CDH4: variants seen among roughly 807,000 people sequenced by gnomAD.
CDH4 encodes the protein cadherin 4, also known as cadherin-4.
In CDH4, 33 loss-of-function variants were observed where a neutral mutation model predicts 86.0. That is an observed-to-expected ratio of 0.38 (90% CI 0.29 to 0.51). CDH4 has a LOEUF of 0.51. CDH4 is among the 20% of genes least tolerant of loss of function. CDH4 has a pLI of 0.86. For missense variants in CDH4, 1,114 were observed against 1,307.4 expected, an observed-to-expected ratio of 0.85 and a Z score of 2.28; for synonymous variants, 555 against 549.4, an observed-to-expected ratio of 1.01 and a Z score of -0.14.
At chr20:61,263,906 C>G (rs1020146897) in intron 2 of CDH4, among the ~76,000 whole-genome samples, 5 of 152,092 alleles carry the variant, frequency 3.3e-5, no homozygotes, top group Non-Finnish European at 5.9e-5. Flanking sequence ...TGCCGTCCTC[C>G]AGGGTCATTG....
chr20:61,805,236 A>G (rs1325614888), intron 4 of CDH4, among the ~76,000 whole-genome samples: 2 of 152,174 alleles, frequency 1.3e-5, no homozygotes, highest in African/African-American at 2.4e-5. Flanking sequence ...CTACTAGAAC[A>G]GAGAGGAGCA....
chr20:61,280,598 T>C (rs567211058), intron 2 of CDH4, among the ~76,000 whole-genome samples: 1 of 152,328 alleles, frequency 6.6e-6, no homozygotes, highest in African/African-American at 2.4e-5. Flanking sequence ...TGTTTATTTA[T>C]AAGCACAAGG....
intron 2 of CDH4, among the ~76,000 whole-genome samples, chr20:61,692,841 G>GTTTTTTT (rs10632243): frequency 2.8e-5 from 4 of 144,030 alleles, no homozygotes; most frequent in Non-Finnish European, 3.1e-5. Context: ...TTTGTTTTTT[G>GTTTTTTT]TTTTTTTTTT....
chr20:61,747,607 A>G (rs2088432234), intron 3 of CDH4, among the ~76,000 whole-genome samples: 1 of 152,248 alleles, frequency 6.6e-6, no homozygotes, highest in Non-Finnish European at 1.5e-5. Flanking sequence ...GGCAGTTTGG[A>G]ATTGAAAACT....
At chr20:61,840,739 C>A (rs187656848) in intron 4 of CDH4, among the ~76,000 whole-genome samples, 1 of 152,218 alleles carries the variant, frequency 6.6e-6, no homozygotes, top group African/African-American at 2.4e-5. Flanking sequence ...AAACTGTTCT[C>A]CCCTGATCTG....
rs569392129 is a variant in CDH4 at position 61,764,741 on chromosome 20, C to G, written c.397-8262C>G. ...GCTTCCGCTCCCCAAGGCGCCCCAG[C>G]CTTCGGCTTCTAACATCACTCCTAT... On this transcript the variant is annotated intron_variant, in intron 3 of 15. Transcript: ENST00000614565. Among the ~76,000 whole-genome samples the G allele has an allele frequency of 9.0e-4, 137 of 152,336 alleles. 5 individuals carry two copies. The South Asian group carries it at 0.026, about 29-fold the overall frequency.
chr20:61,294,161 C>T (rs2084339058), intron 2 of CDH4, among the ~76,000 whole-genome samples: 1 of 152,120 alleles, frequency 6.6e-6, no homozygotes. Context: ...GGCCAGCCAC[C>T]CCCGCACTCC....
chr20:61,568,817 C>G (rs1386895876), intron 2 of CDH4, among the ~76,000 whole-genome samples: 5 of 152,206 alleles, frequency 3.3e-5, no homozygotes, highest in African/African-American at 1.2e-4. Context: ...CAGCCATGTT[C>G]CTTCCTGGGA....
intron 2 of CDH4, among the ~76,000 whole-genome samples, chr20:61,281,138 C>T (rs970309664): frequency 4.6e-5 from 7 of 152,256 alleles, no homozygotes; most frequent in East Asian, 1.9e-4. Context: ...CGGAGAGGAC[C>T]GTGCTTGGCT....
At chr20:61,659,867 C>G (rs945705522) in intron 2 of CDH4, among the ~76,000 whole-genome samples, 5 of 152,214 alleles carry the variant, frequency 3.3e-5, no homozygotes, top group Non-Finnish European at 7.4e-5. Flanking sequence ...GCTGCAGCCT[C>G]TGGAAAAGGA....
chr20:61,261,400 T>C (rs953903378), intron 2 of CDH4, among the ~76,000 whole-genome samples: 1 of 152,230 alleles, frequency 6.6e-6, no homozygotes, highest in African/African-American at 2.4e-5. Flanking sequence ...TTGAGAAATA[T>C]GTGTTTTAAT....
intron 4 of CDH4, among the ~76,000 whole-genome samples, chr20:61,824,336 C>T (rs1981207676): frequency 6.6e-6 from 1 of 150,378 alleles, no homozygotes; most frequent in African/African-American, 2.5e-5. Context: ...TGGCTCTTGA[C>T]TCTTAAAAAG....
At chr20:61,364,796 A>AC (rs1275286859) in intron 2 of CDH4, among the ~76,000 whole-genome samples, 1 of 152,244 alleles carries the variant, frequency 6.6e-6, no homozygotes, top group African/African-American at 2.4e-5. Context: ...TCAGCAGAAG[A>AC]CGATGAGAAT....
chr20:61,792,809 C>T (rs1012559099), intron 4 of CDH4, among the ~76,000 whole-genome samples: 3 of 152,038 alleles, frequency 2.0e-5, no homozygotes, highest in East Asian at 1.9e-4. Flanking sequence ...CATCACCACA[C>T]CCGGCTAATT....
intron 2 of CDH4, among the ~76,000 whole-genome samples, chr20:61,666,888 T>G (rs1161490664): frequency 6.6e-6 from 1 of 152,160 alleles, no homozygotes; most frequent in Non-Finnish European, 1.5e-5. Context: ...CCTGGGAGTG[T>G]GGTTACACTT....
chr20:61,329,800 T>C (rs992555622), intron 2 of CDH4, among the ~76,000 whole-genome samples: 1 of 152,214 alleles, frequency 6.6e-6, no homozygotes, highest in Non-Finnish European at 1.5e-5. Context: ...CCCTAGGTAT[T>C]ATGCCCTACG....
In CDH4 at chr20:61,498,050, C is replaced by T. The variant is rs1215567029; in HGVS notation, c.169+243113C>T. Among the ~76,000 whole-genome samples the T allele has an allele frequency of 5.1e-5, 6 of 117,356 alleles. No individual in the cohort carries two copies. The East Asian group carries it at 1.5e-3, about 29-fold the overall frequency. The allele number at this position is 117,356 out of a possible 152,430, so 77.0% of individuals were successfully genotyped here. On this transcript the variant is annotated intron_variant, in intron 2 of 15. Transcript: ENST00000614565. ...GGAAGGGGAACATCACACACAGGGGCCTGTCATGGGGTGGGGGGAGGGGGG... is the reference window on the plus strand; with the variant it reads ...GGAAGGGGAACATCACACACAGGGGTCTGTCATGGGGTGGGGGGAGGGGGG...
intron 2 of CDH4, among the ~76,000 whole-genome samples, chr20:61,525,050 T>C (rs1170705274): frequency 6.6e-6 from 1 of 152,198 alleles, no homozygotes; most frequent in Non-Finnish European, 1.5e-5. Context: ...TCAGAAATTA[T>C]GCGGGGCGGG....
intron 4 of CDH4, among the ~76,000 whole-genome samples, chr20:61,802,348 G>A (rs1979872490): frequency 6.6e-6 from 1 of 152,196 alleles, no homozygotes; most frequent in East Asian, 1.9e-4. Context: ...TCAGACTAAA[G>A]AGCCCACCCT....
Sources: gnomAD v4.1 joint callset for allele counts (sites outside exome capture counted in the v4.1 genomes callset) on GRCh38, gnomAD v4.1.1 for gene constraint, MANE v1.5 for transcripts, NCBI Gene and HGNC (gene_info 2026-07-23, HGNC 2026-07-21) for gene names.